CCT3: variants seen among roughly 807,000 people sequenced by gnomAD.
CCT3 encodes T-complex protein 1 subunit gamma.
CCT3 carries 10 observed loss-of-function variants against 65.3 expected under a neutral mutation model. That is an observed-to-expected ratio of 0.15 (90% CI 0.09 to 0.26). The LOEUF is 0.26. Among genes scored for constraint, CCT3 ranks in the 10% least tolerant of loss-of-function variants. The probability of loss-of-function intolerance (pLI) is 1.00; values close to 1 mark genes in which losing one functional copy is unlikely to be tolerated. For synonymous variants in CCT3, 225 were observed against 242.3 expected (o/e 0.93, Z 0.66); for missense variants, 626 against 708.7 (o/e 0.88, Z 1.33).
At chr1:156,318,831 T>C (rs1218611424) in intron 8 of CCT3, 37 bp downstream of exon 8, 1 of 1,591,712 alleles carries the variant, frequency 6.3e-7, no homozygotes, top group Admixed American at 1.8e-5. Context: ...AGTCAGATTC[T>C]TGCATCTACT....
chr1:156,318,758 G>T, intron 8 of CCT3, 110 bp downstream of exon 8: 1 of 1,002,516 alleles, frequency 1.0e-6, no homozygotes. Context: ...AAGAGTCAGT[G>T]TACACTATGC....
chr1:156,325,937 A>G (rs748090093), intron 5 of CCT3, among the ~76,000 whole-genome samples: 4 of 152,128 alleles, frequency 2.6e-5, no homozygotes, highest in Non-Finnish European at 5.9e-5. Context: ...ATAAAGAAAA[A>G]TGCACAAAAG....
At chr1:156,314,656 G>A (rs1664233815) in intron 10 of CCT3, among the ~76,000 whole-genome samples, 1 of 152,168 alleles carries the variant, frequency 6.6e-6, no homozygotes, top group Admixed American at 6.6e-5. Flanking sequence ...GGAGGTTGTG[G>A]TGAGCCAAGA....
intron 7 of CCT3, among the ~76,000 whole-genome samples, chr1:156,319,904 G>C (rs1664479904): frequency 6.6e-6 from 1 of 152,146 alleles, no homozygotes; most frequent in Non-Finnish European, 1.5e-5. Flanking sequence ...TAGAGCCCTT[G>C]TTAAGCTTAT....
intron 6 of CCT3, among the ~76,000 whole-genome samples, chr1:156,322,192 T>C (rs1664584496): frequency 6.6e-6 from 1 of 152,168 alleles, no homozygotes; most frequent in Non-Finnish European, 1.5e-5. Flanking sequence ...AAGCTGTGAC[T>C]GCACCACCGC....
chr1:156,320,281 C>T (rs1356511951), intron 7 of CCT3, among the ~76,000 whole-genome samples: 3 of 152,048 alleles, frequency 2.0e-5, no homozygotes, highest in East Asian at 1.9e-4. Context: ...TGGTGGCAGG[C>T]ATCTGTAATC....
intron 8 of CCT3, among the ~76,000 whole-genome samples, chr1:156,318,260 G>A (rs572270158): frequency 7.3e-6 from 1 of 136,100 alleles, no homozygotes; most frequent in African/African-American, 2.7e-5. Context: ...GGGTCTCACT[G>A]TTGCTCAGGC....
intron 2 of CCT3, 91 bp downstream of exon 2, chr1:156,335,736 A>C (rs991321886): frequency 9.8e-7 from 1 of 1,017,176 alleles, no homozygotes; most frequent in Non-Finnish European, 1.5e-6. Flanking sequence ...CTACTCTATA[A>C]AGTCTAGATG....
At position 156,338,224 on chromosome 1, in the gene CCT3, A is replaced by G. The variant is rs1443577602; in HGVS notation, c.-40T>C. 2 of 1,568,228 alleles carry G rather than the reference A, an allele frequency of 1.3e-6. No individual in the cohort carries two copies. Among genetic ancestry groups the G allele is most frequent in the South Asian group, 2.3e-5 (2 of 85,312 alleles). On this transcript the variant is annotated 5_prime_UTR_variant, in exon 1 of 14. Coordinates refer to ENST00000295688, the MANE Select transcript of CCT3 (RefSeq NM_005998.5). ...GAGCCGGGTACCCAGAGCTGGGGGA[A>G]CCGGCAGAACCTTCTGGAGAGAGAG...
Position 156,338,268 on chromosome 1 carries a change from A to G in CCT3, c.-84T>C. 1.4e-6 allele frequency: 2 copies of G among 1,422,318 alleles called. No homozygotes were observed. Among genetic ancestry groups the G allele is most frequent in the South Asian group, 1.2e-5 (1 of 81,666 alleles). The allele number at this position is 1,422,318 out of a possible 1,614,324, so 88.1% of individuals were successfully genotyped here. On this transcript the variant is annotated 5_prime_UTR_variant, in exon 1 of 14. Coordinates refer to ENST00000295688, the MANE Select transcript of CCT3 (RefSeq NM_005998.5). ...GAGAGAGAACCAGACAGAAGCCCAGAAAACGCTGCCTCCTCAGGGCTTACA... is the reference window on the plus strand; with the variant it reads ...GAGAGAGAACCAGACAGAAGCCCAGGAAACGCTGCCTCCTCAGGGCTTACA...
chr1:156,319,089 T>A, intron 7 of CCT3, 72 bp from the exon 8 acceptor site: 1 of 1,384,276 alleles, frequency 7.2e-7, no homozygotes, highest in Non-Finnish European at 9.8e-7. Flanking sequence ...CAGATGTTCA[T>A]CTTTCCCAAA....
At chr1:156,336,048 A>C in intron 1 of CCT3, 160 bp from the exon 2 acceptor site, 1 of 514,458 alleles carries the variant, frequency 1.9e-6, no homozygotes, top group Non-Finnish European at 3.4e-6. Context: ...AGTTTATTAT[A>C]TGTCAACCAT....
In CCT3 at chr1:156,311,066, T is replaced by G; in HGVS notation, c.1285A>C (p.Met429Leu). The G allele has an allele frequency of 1.9e-6, 3 of 1,613,948 alleles. No individual in the cohort carries two copies. The highest frequency in any genetic ancestry group is 1.7e-6 in the Non-Finnish European group (2 of 1,179,964). Reference protein sequence around the residue: ...AHALTEKSKAMTGVEQWPYRA... With the variant: ...AHALTEKSKALTGVEQWPYRA... ...TATGGCCATTGTTCCACACCAGTCATGGCCTTGGATTTTTCTGTCAAGGCA... is the reference window on the plus strand; with the variant it reads ...TATGGCCATTGTTCCACACCAGTCAGGGCCTTGGATTTTTCTGTCAAGGCA... Residue 429 changes from methionine (M) to leucine (L), a missense_variant, in exon 12 of 14, where the codon ATG (methionine) becomes CTG (leucine). By Grantham distance (15) the Met-to-Leu change is conservative. Coordinates refer to ENST00000295688, the MANE Select transcript of CCT3 (RefSeq NM_005998.5).
intron 6 of CCT3, 60 bp from the exon 7 acceptor site, chr1:156,321,085 C>A: frequency 2.2e-6 from 3 of 1,338,092 alleles, no homozygotes; most frequent in South Asian, 1.2e-5. Flanking sequence ...TAGAGATGTG[C>A]CTTATCTATA....
chr1:156,325,821 G>C (rs1264484925), intron 5 of CCT3, among the ~76,000 whole-genome samples: 1 of 151,932 alleles, frequency 6.6e-6, no homozygotes, highest in East Asian at 1.9e-4. Context: ...GACCTCAGGT[G>C]ATCTGTCCAC....
chr1:156,334,944 G>GC, intron 2 of CCT3, 26 bp from the exon 3 acceptor site: 2 of 1,608,928 alleles, frequency 1.2e-6, no homozygotes, highest in South Asian at 2.2e-5. Context: ...CATAAAATAC[G>GC]CAAGCACAAA....
rs560175111 is a variant in CCT3 at position 156,323,243 on chromosome 1, T to C, written c.422+1729A>G. Reference sequence around the variant, plus strand: ...ATCACTTGAACCTGGGAGGTGGAGGTTGCAGTGAGCCGAGATCGCGCCATT... The same window carrying C: ...ATCACTTGAACCTGGGAGGTGGAGGCTGCAGTGAGCCGAGATCGCGCCATT... On this transcript the variant is annotated intron_variant, in intron 6 of 13. Transcript: ENST00000295688. 4.1e-4 allele frequency among the ~76,000 whole-genome samples: 57 copies of C among 138,778 alleles called. No individual in the cohort carries two copies. The East Asian group carries it at 0.011, about 27-fold the overall frequency. The allele number at this position is 138,778 out of a possible 152,430, so 91.0% of individuals were successfully genotyped here. A position where few individuals can be genotyped will look rare whatever the true frequency, so the allele number is the denominator to read the frequency against.
chr1:156,322,040 A>G (rs1242046158), intron 6 of CCT3, among the ~76,000 whole-genome samples: 1 of 152,194 alleles, frequency 6.6e-6, no homozygotes, highest in African/African-American at 2.4e-5. Flanking sequence ...CTGGAAGCCC[A>G]GAGTTAAAAA....
At chr1:156,331,122 C>T (rs546390463) in intron 5 of CCT3, among the ~76,000 whole-genome samples, 25 of 151,906 alleles carry the variant, frequency 1.6e-4, no homozygotes, top group Non-Finnish European at 3.1e-4. Context: ...ATCCCATCTA[C>T]TCAGGAGGCT....
Sources: allele counts gnomAD v4.1 joint callset (sites outside exome capture counted in the v4.1 genomes callset), GRCh38; gene constraint gnomAD v4.1.1; transcripts MANE v1.5; gene names NCBI Gene and HGNC (gene_info 2026-07-23, HGNC 2026-07-21).